The following ATXN1 variants were observed in gnomAD, a reference collection of about 807,000 sequenced individuals.
ATXN1 encodes ataxin-1.
A neutral mutation model predicts 56.4 loss-of-function variants in ATXN1; 8 were observed. That is an observed-to-expected ratio of 0.14 (90% CI 0.08 to 0.26). The LOEUF is 0.26. ATXN1 is among the 10% of genes least tolerant of loss of function. ATXN1 has a pLI of 1.00. For missense variants in ATXN1, 987 were observed against 1,106.5 expected (o/e 0.89, Z 1.53); for synonymous variants, 514 against 494.6 (o/e 1.04, Z -0.52).
intron 6 of ATXN1, among the ~76,000 whole-genome samples, chr6:16,407,480 C>T (rs990355409): frequency 3.9e-5 from 6 of 152,336 alleles, no homozygotes; most frequent in African/African-American, 1.2e-4. Context: ...AAACATGCTC[C>T]TCAAAAGTAT....
Position 16,374,883 on chromosome 6 carries a change from G to A in ATXN1, c.-160-46413C>T, listed in dbSNP as rs1052544988. ...TTACAGTTTTCCAAGGACAAGAGGA[G>A]GGTATGGCATTAACCCGAGCCCCTG... On this transcript the variant is annotated intron_variant, in intron 6 of 7. Transcript: ENST00000436367. 2.0e-5 allele frequency among the ~76,000 whole-genome samples: 3 copies of A among 152,258 alleles called. No individual in the cohort carries two copies. The South Asian group carries it at 6.2e-4, about 31-fold the overall frequency.
intron 2 of ATXN1, among the ~76,000 whole-genome samples, chr6:16,683,463 A>C (rs1758855503): frequency 6.6e-6 from 1 of 152,214 alleles, no homozygotes; most frequent in South Asian, 2.1e-4. Context: ...TTTGACACTG[A>C]ACTCTCCTTA....
intron 2 of ATXN1, among the ~76,000 whole-genome samples, chr6:16,690,957 C>A (rs1759032140): frequency 6.6e-6 from 1 of 152,142 alleles, no homozygotes; most frequent in Non-Finnish European, 1.5e-5. Context: ...GCTCTGAAAA[C>A]TGAGAATGAG....
intron 6 of ATXN1, among the ~76,000 whole-genome samples, chr6:16,366,814 C>T (rs1442575635): frequency 8.6e-5 from 13 of 151,234 alleles, no homozygotes. Context: ...AAAAAACAGG[C>T]CCAAACCTCT....
intron 3 of ATXN1, among the ~76,000 whole-genome samples, chr6:16,650,124 T>C (rs13210989): frequency 0.016 from 2,363 of 152,194 alleles, 31 homozygotes; most frequent in Non-Finnish European, 0.022. Flanking sequence ...CCTCAACGAA[T>C]GAGTGGGAGT....
intron 3 of ATXN1, among the ~76,000 whole-genome samples, chr6:16,632,577 C>T (rs1017440370): frequency 3.9e-5 from 6 of 151,988 alleles, no homozygotes; most frequent in African/African-American, 1.2e-4. Flanking sequence ...CACTGGGATG[C>T]GGGGTTGGGG....
intron 1 of ATXN1, among the ~76,000 whole-genome samples, chr6:16,756,439 A>C (rs531394848): frequency 6.6e-6 from 1 of 152,318 alleles, no homozygotes; most frequent in South Asian, 2.1e-4. Flanking sequence ...TAAGGTCCTA[A>C]AACAGAAATT....
chr6:16,436,046 T>C (rs1044476295), intron 6 of ATXN1, among the ~76,000 whole-genome samples: 1 of 152,022 alleles, frequency 6.6e-6, no homozygotes, highest in African/African-American at 2.4e-5. Flanking sequence ...TACAGGCGCC[T>C]GCCACCACAA....
chr6:16,524,508 C>G (rs1761354692), intron 4 of ATXN1, among the ~76,000 whole-genome samples: 1 of 152,224 alleles, frequency 6.6e-6, no homozygotes, highest in Non-Finnish European at 1.5e-5. Context: ...AGACCTCAGT[C>G]TGAGCCTCAG....
chr6:16,559,114 G>C (rs1246450101), intron 4 of ATXN1, among the ~76,000 whole-genome samples: 2 of 152,178 alleles, frequency 1.3e-5, no homozygotes, highest in Non-Finnish European at 1.5e-5. Flanking sequence ...GATTGGCAAA[G>C]ATCGTGAAGT....
intron 2 of ATXN1, among the ~76,000 whole-genome samples, chr6:16,740,980 G>A (rs905806217): frequency 6.6e-6 from 1 of 152,216 alleles, no homozygotes; most frequent in Admixed American, 6.5e-5. Context: ...GCAAAGACAT[G>A]TCTTTTCATC....
intron 2 of ATXN1, among the ~76,000 whole-genome samples, chr6:16,699,678 T>A (rs147735339): frequency 2.6e-5 from 4 of 152,276 alleles, no homozygotes; most frequent in South Asian, 2.1e-4. Context: ...TGAAAGGTGA[T>A]AAGAAGAAAA....
At chr6:16,422,627 T>C (rs1336560100) in intron 6 of ATXN1, among the ~76,000 whole-genome samples, 1 of 152,168 alleles carries the variant, frequency 6.6e-6, no homozygotes, top group Non-Finnish European at 1.5e-5. Flanking sequence ...TGTTCCTTCC[T>C]AAGAGTTGTC....
intron 7 of ATXN1, among the ~76,000 whole-genome samples, chr6:16,315,439 C>T (rs1236409857): frequency 1.3e-5 from 2 of 152,312 alleles, no homozygotes; most frequent in South Asian, 2.1e-4. Context: ...TCACCACATG[C>T]AAGCCTGATG....
intron 4 of ATXN1, among the ~76,000 whole-genome samples, chr6:16,524,436 TAAC>T (rs2113698587): frequency 6.6e-6 from 1 of 152,354 alleles, no homozygotes; most frequent in Admixed American, 6.5e-5. Context: ...CTTTTCATCC[TAAC>T]AACAGACGAG....
intron 3 of ATXN1, among the ~76,000 whole-genome samples, chr6:16,616,938 A>C (rs1763223931): frequency 6.6e-6 from 1 of 151,728 alleles, no homozygotes; most frequent in African/African-American, 2.4e-5. Context: ...CTTTTATTAT[A>C]GTATATTTTT....
chr6:16,451,546 G>A (rs1356670849), intron 6 of ATXN1, among the ~76,000 whole-genome samples: 5 of 152,064 alleles, frequency 3.3e-5, no homozygotes, highest in Non-Finnish European at 5.9e-5. Context: ...ACCTGAGGTC[G>A]GGAGTTGGAG....
intron 6 of ATXN1, among the ~76,000 whole-genome samples, chr6:16,392,164 G>A (rs1314705725): frequency 1.3e-5 from 2 of 152,204 alleles, no homozygotes; most frequent in Non-Finnish European, 2.9e-5. Context: ...GTGATCACTC[G>A]TAACCTTGCT....
intron 2 of ATXN1, among the ~76,000 whole-genome samples, chr6:16,740,154 T>C (rs1269614277): frequency 6.6e-6 from 1 of 152,190 alleles, no homozygotes; most frequent in African/African-American, 2.4e-5. Flanking sequence ...ACTAACAATA[T>C]GGTCACCAGC....
Sources: gnomAD v4.1 joint callset for allele counts (sites outside exome capture counted in the v4.1 genomes callset) on GRCh38, gnomAD v4.1.1 for gene constraint, MANE v1.5 for transcripts, NCBI Gene and HGNC (gene_info 2026-07-23, HGNC 2026-07-21) for gene names.